The following GRIN2B variants were observed in gnomAD, a reference collection of about 807,000 sequenced individuals.
The protein encoded by GRIN2B is glutamate receptor ionotropic, NMDA 2B.
GRIN2B carries 5 observed loss-of-function variants against 114.5 expected under a neutral mutation model. The ratio of observed to expected loss-of-function variants is 0.04; its 90% confidence interval spans 0.02 to 0.09. The LOEUF is 0.09. GRIN2B is among the 10% of genes least tolerant of loss of function. GRIN2B has a pLI of 1.00. For missense variants in GRIN2B, 1,108 were observed against 1,943.5 expected (o/e 0.57, Z 8.08); for synonymous variants, 787 against 745.1 (o/e 1.06, Z -0.92).
At chr12:13,888,644 G>C (rs567505663) in intron 2 of GRIN2B, among the ~76,000 whole-genome samples, 1 of 151,848 alleles carries the variant, frequency 6.6e-6, no homozygotes, top group African/African-American at 2.4e-5. Context: ...TGAGGCAGGA[G>C]AATCACTTGA....
intron 4 of GRIN2B, among the ~76,000 whole-genome samples, chr12:13,697,680 C>G (rs897025306): frequency 1.4e-5 from 2 of 146,348 alleles, no homozygotes; most frequent in Admixed American, 1.4e-4. Flanking sequence ...TTAAAGAGAT[C>G]AGAAGCAATA....
chr12:13,821,673 A>G (rs1864941353), intron 3 of GRIN2B, among the ~76,000 whole-genome samples: 1 of 152,198 alleles, frequency 6.6e-6, no homozygotes, highest in African/African-American at 2.4e-5. Context: ...TCATTTGGTC[A>G]TTTAGAAAAA....
intron 2 of GRIN2B, among the ~76,000 whole-genome samples, chr12:13,918,736 A>G (rs143273680): frequency 0.013 from 2,007 of 152,308 alleles, 22 homozygotes; most frequent in Middle Eastern, 0.027. Context: ...TGATTCATAA[A>G]CTACACATTA....
At chr12:13,762,546 C>T (rs1863697685) in intron 3 of GRIN2B, among the ~76,000 whole-genome samples, 1 of 152,206 alleles carries the variant, frequency 6.6e-6, no homozygotes, top group African/African-American at 2.4e-5. Context: ...TTGATCAGAA[C>T]ATCACGTTCA....
intron 5 of GRIN2B, among the ~76,000 whole-genome samples, chr12:13,669,417 T>C (rs1950003970): frequency 6.6e-6 from 1 of 152,080 alleles, no homozygotes; most frequent in African/African-American, 2.4e-5. Context: ...CTTAATCCAA[T>C]GATGCATATT....
At chr12:13,895,276 A>C (rs1866334362) in intron 2 of GRIN2B, among the ~76,000 whole-genome samples, 1 of 152,200 alleles carries the variant, frequency 6.6e-6, no homozygotes, top group Non-Finnish European at 1.5e-5. Flanking sequence ...TGCCACATTT[A>C]CACCCAGCAT....
chr12:13,701,407 G>A (rs2136568843), intron 4 of GRIN2B, among the ~76,000 whole-genome samples: 1 of 151,282 alleles, frequency 6.6e-6, no homozygotes, highest in South Asian at 2.1e-4. Flanking sequence ...TTTGACTTCT[G>A]CCTAAAGTAC....
intron 2 of GRIN2B, among the ~76,000 whole-genome samples, chr12:13,927,982 A>AAAAAAAAAGG (rs71067738): frequency 3.1e-5 from 4 of 129,694 alleles, no homozygotes; most frequent in South Asian, 2.7e-4. Flanking sequence ...AAAAAAAAAA[A>AAAAAAAAAGG]GGGGGGGTAT....
chr12:13,675,540 CA>C (rs1021128427), intron 5 of GRIN2B, among the ~76,000 whole-genome samples: 5 of 152,102 alleles, frequency 3.3e-5, no homozygotes, highest in African/African-American at 1.2e-4. Flanking sequence ...TGGTAATACA[CA>C]AAGAAAACAA....
intron 3 of GRIN2B, among the ~76,000 whole-genome samples, chr12:13,860,380 G>A (rs1865732815): frequency 6.6e-6 from 1 of 152,128 alleles, no homozygotes; most frequent in South Asian, 2.1e-4. Flanking sequence ...TCAGGCTGGA[G>A]TGCAGTGGTG....
intron 3 of GRIN2B, among the ~76,000 whole-genome samples, chr12:13,833,865 T>G (rs150358143): frequency 1.3e-5 from 2 of 151,880 alleles, no homozygotes; most frequent in African/African-American, 2.4e-5. Flanking sequence ...CTAATGAAGA[T>G]TACAGATGAA....
intron 3 of GRIN2B, among the ~76,000 whole-genome samples, chr12:13,816,030 G>A (rs568350927): frequency 5.9e-5 from 9 of 152,298 alleles, no homozygotes; most frequent in African/African-American, 2.2e-4. Flanking sequence ...GCTAGCAAGA[G>A]ATATACTTGA....
intron 3 of GRIN2B, among the ~76,000 whole-genome samples, chr12:13,815,486 A>G (rs1377816783): frequency 1.3e-5 from 2 of 152,164 alleles, no homozygotes; most frequent in Non-Finnish European, 2.9e-5. Flanking sequence ...AATGATAAAG[A>G]GTGGGTTGTT....
rs1187023831 is a variant in GRIN2B at position 13,979,985 on chromosome 12, G to T, written c.-76C>A. 6.6e-6 allele frequency: 1 copy of T among 152,136 alleles called. No individual in the cohort carries two copies. Among genetic ancestry groups the T allele is most frequent in the Non-Finnish European group, 1.5e-5 (1 of 68,036 alleles). 9.4% of individuals were successfully genotyped at this position (152,136 alleles called of 1,614,324 possible). Reference sequence around the variant, plus strand: ...CAGATTAAGGGAGTGAGCATGTTGGGAATGTCCAGTCCCTTCTTCTCGCTT... The same window carrying T: ...CAGATTAAGGGAGTGAGCATGTTGGTAATGTCCAGTCCCTTCTTCTCGCTT... On this transcript the variant is annotated 5_prime_UTR_variant, in exon 2 of 14. Coordinates refer to ENST00000609686, the MANE Select transcript of GRIN2B (RefSeq NM_000834.5).
At chr12:13,923,848 T>C (rs1441598038) in intron 2 of GRIN2B, among the ~76,000 whole-genome samples, 1 of 152,148 alleles carries the variant, frequency 6.6e-6, no homozygotes, top group East Asian at 1.9e-4. Context: ...TCAGCCCAAA[T>C]GGATGTTTCT....
rs75519743 is a variant in GRIN2B, at chr12:13,939,220, T to A, written c.-19+40708A>T. ...GGGAAGTTCAAAAACACAAAATACA[T>A]TCTTGATATGGTTTGGATGTTTATC... On this transcript the variant is annotated intron_variant, in intron 2 of 13. Coordinates refer to ENST00000609686, the MANE Select transcript of GRIN2B (RefSeq NM_000834.5). Among the ~76,000 whole-genome samples the A allele has an allele frequency of 2.6e-5, 4 of 152,294 alleles. No individual in the cohort carries two copies. The East Asian group carries it at 7.7e-4, about 29-fold the overall frequency.
At chr12:13,603,513 A>G (rs1949193027) in intron 10 of GRIN2B, among the ~76,000 whole-genome samples, 1 of 152,180 alleles carries the variant, frequency 6.6e-6, no homozygotes, top group South Asian at 2.1e-4. Flanking sequence ...TAATAGCACC[A>G]TTATATAAGA....
At chr12:13,921,389 A>G (rs1002482130) in intron 2 of GRIN2B, among the ~76,000 whole-genome samples, 8 of 152,178 alleles carry the variant, frequency 5.3e-5, no homozygotes, top group Non-Finnish European at 1.0e-4. Flanking sequence ...GGGTGACAGG[A>G]GCAAGACTAT....
At chr12:13,590,672 A>G (rs917994741) in intron 10 of GRIN2B, among the ~76,000 whole-genome samples, 4 of 152,112 alleles carry the variant, frequency 2.6e-5, no homozygotes, top group African/African-American at 9.7e-5. Flanking sequence ...GGTTGGTTCC[A>G]AGTCTTTGCT....
Sources: gnomAD v4.1 joint callset for allele counts (sites outside exome capture counted in the v4.1 genomes callset) on GRCh38, gnomAD v4.1.1 for gene constraint, MANE v1.5 for transcripts, NCBI Gene and HGNC (gene_info 2026-07-23, HGNC 2026-07-21) for gene names.